The following ADARB1 variants were observed in gnomAD, a reference collection of about 807,000 sequenced individuals.
The protein encoded by ADARB1 is double-stranded RNA-specific editase 1.
A neutral mutation model predicts 52.4 loss-of-function variants in ADARB1; 10 were observed. The observed-to-expected ratio is 0.19, with a 90% confidence interval of 0.12 to 0.32. The LOEUF (loss-of-function observed/expected upper bound fraction) is 0.32, where lower values mean the gene tolerates loss of function less well. Ranked by LOEUF, ADARB1 falls within the 10% of genes least tolerant of loss-of-function variation. The pLI is 1.00. For missense variants in ADARB1, 643 were observed against 922.3 expected (o/e 0.70, Z 3.92); for synonymous variants, 349 against 371.1 (o/e 0.94, Z 0.68).
chr21:45,098,761 CAT>C (rs1252901760), intron 1 of ADARB1, among the ~76,000 whole-genome samples: 1 of 152,236 alleles, frequency 6.6e-6, no homozygotes, highest in African/African-American at 2.4e-5. Flanking sequence ...TATTTGCACA[CAT>C]ATGCTCTTAG....
intron 1 of ADARB1, among the ~76,000 whole-genome samples, chr21:45,077,447 C>T (rs112798646): frequency 0.027 from 4,064 of 152,134 alleles, 197 homozygotes; most frequent in African/African-American, 0.093. Context: ...GGGTAGATCA[C>T]GAGGTCAGGA....
In ADARB1 at chr21:45,208,570, TGA is replaced by T. The variant is rs1458162746; in HGVS notation, c.1747+3841_1747+3842del. On this transcript the variant is annotated intron_variant, in intron 9 of 10. Transcript: ENST00000348831. This position sits in a 1 kb window ranked among gnomAD's most constrained non-coding sequence, Gnocchi z 5.6. Reference sequence around the variant, plus strand: ...TGGTTTAATGAGGCCCTGGCTGGAGTGAGAGAGAAGGAACATCACTGTGAGAG... The same window carrying T: ...TGGTTTAATGAGGCCCTGGCTGGAGTGAGAGAAGGAACATCACTGTGAGAG... Among the ~76,000 whole-genome samples the T allele has an allele frequency of 6.6e-6, 1 of 150,804 alleles. No individual in the cohort carries two copies. The highest frequency in any genetic ancestry group is 6.6e-5 in the Admixed American group (1 of 15,158).
intron 1 of ADARB1, among the ~76,000 whole-genome samples, chr21:45,103,240 C>T (rs1399694216): frequency 6.6e-6 from 1 of 152,030 alleles, no homozygotes; most frequent in Admixed American, 6.6e-5. Context: ...TAATACTGGT[C>T]CGTTAAACCA....
At chr21:45,211,058 C>T (rs944952041) in intron 9 of ADARB1, among the ~76,000 whole-genome samples, 10 of 152,224 alleles carry the variant, frequency 6.6e-5, no homozygotes, top group Admixed American at 6.5e-4. Context: ...CCCTCAGCAC[C>T]TGGCTGGGGT....
In ADARB1 at chr21:45,220,581, G is replaced by A. The variant is rs567152515; in HGVS notation, c.1748-255G>A. On this transcript the variant is annotated intron_variant, in intron 9 of 10. Transcript: ENST00000348831. The surrounding 1 kb of genome is among the most constrained non-coding windows in gnomAD (Gnocchi z 6.3). ...GTTTCTGTCAATCTTCTGCCCACCT[G>A]CCCTGTCAGACAAGTGCATACCCGT... 6.6e-6 allele frequency among the ~76,000 whole-genome samples: 1 copy of A among 152,196 alleles called. No homozygotes were observed. The highest frequency in any genetic ancestry group is 1.5e-5 in the Non-Finnish European group (1 of 68,040).
At chr21:45,212,339 G>A (rs562604968) in intron 9 of ADARB1, among the ~76,000 whole-genome samples, 7 of 152,238 alleles carry the variant, frequency 4.6e-5, no homozygotes, top group African/African-American at 9.6e-5. Flanking sequence ...TGGGGCTGCC[G>A]CCTCTACAGA....
At chr21:45,151,597 G>A (rs1389506288) in intron 2 of ADARB1, among the ~76,000 whole-genome samples, 1 of 152,154 alleles carries the variant, frequency 6.6e-6, no homozygotes, top group African/African-American at 2.4e-5. Context: ...TTTGGATGCA[G>A]CTGCCTTTTG....
intron 2 of ADARB1, among the ~76,000 whole-genome samples, chr21:45,170,363 T>C (rs1263995651): frequency 6.6e-6 from 1 of 152,260 alleles, no homozygotes; most frequent in Non-Finnish European, 1.5e-5. Context: ...TAGGTTCTTG[T>C]ATCTAGCACA....
rs1346438690 is a variant in ADARB1 at position 45,204,839 on chromosome 21, C to A, written c.1747+103C>A. On this transcript the variant is annotated intron_variant, in intron 9 of 10. Coordinates refer to ENST00000348831, the MANE Select transcript of ADARB1 (RefSeq NM_001112.4). This position sits in a 1 kb window ranked among gnomAD's most constrained non-coding sequence, Gnocchi z 4.4. ...ACCACCTGAGCTGCTCTGTGGCTATCAAAAGAACATCAGAGTCCTTCTAAA... is the reference window on the plus strand; with the variant it reads ...ACCACCTGAGCTGCTCTGTGGCTATAAAAAGAACATCAGAGTCCTTCTAAA... The A allele has an allele frequency of 7.9e-7, 1 of 1,259,906 alleles. No homozygotes were observed. The highest frequency in any genetic ancestry group is 1.1e-6 in the Non-Finnish European group (1 of 918,180). The allele number at this position is 1,259,906 out of a possible 1,614,324, so 78.0% of individuals were successfully genotyped here.
At chr21:45,140,614 A>C (rs1175333907) in intron 2 of ADARB1, among the ~76,000 whole-genome samples, 1 of 151,882 alleles carries the variant, frequency 6.6e-6, no homozygotes, top group Non-Finnish European at 1.5e-5. Flanking sequence ...TTGTCTTTAC[A>C]CCATCTGTGT....
chr21:45,214,046 C>T (rs553836273), intron 9 of ADARB1, among the ~76,000 whole-genome samples: 3 of 152,170 alleles, frequency 2.0e-5, no homozygotes, highest in Non-Finnish European at 4.4e-5. Context: ...ACTTATATGC[C>T]GGCACGCAGT....
intron 2 of ADARB1, among the ~76,000 whole-genome samples, chr21:45,134,095 T>G (rs1339360014): frequency 3.2e-4 from 15 of 46,880 alleles, no homozygotes; most frequent in African/African-American, 6.2e-4. Context: ...TGCCCGACAG[T>G]GGTGTGTGCC....
intron 9 of ADARB1, among the ~76,000 whole-genome samples, chr21:45,210,809 GA>G (rs1196874511): frequency 6.6e-6 from 1 of 152,258 alleles, no homozygotes. Context: ...GCTCCCCCAG[GA>G]GCTGCTTCAG....
intron 2 of ADARB1, chr21:45,146,078 ACGGC>A (rs2089991554): frequency 7.2e-6 from 1 of 139,336 alleles, no homozygotes; most frequent in Non-Finnish European, 1.6e-5. Flanking sequence ...GGGATTACCT[ACGGC>A]CAGATGGCTG....
intron 2 of ADARB1, chr21:45,132,417 TG>T (rs1383956801): frequency 6.6e-6 from 1 of 152,232 alleles, no homozygotes; most frequent in Non-Finnish European, 1.5e-5. Flanking sequence ...TCTTCTACCC[TG>T]GAACTAGGAA....
intron 8 of ADARB1, among the ~76,000 whole-genome samples, chr21:45,203,802 A>G (rs2092611501): frequency 6.6e-6 from 1 of 152,184 alleles, no homozygotes. Context: ...TTTTTTAAGA[A>G]GTATAGTGGT....
intron 1 of ADARB1, among the ~76,000 whole-genome samples, chr21:45,087,178 A>G (rs1453001857): frequency 2.0e-5 from 3 of 152,342 alleles, no homozygotes; most frequent in African/African-American, 7.2e-5. Context: ...CCACAGAAAC[A>G]CTTACCCTTT....
intron 2 of ADARB1, among the ~76,000 whole-genome samples, chr21:45,136,661 T>C (rs2089396840): frequency 1.3e-5 from 2 of 152,212 alleles, no homozygotes; most frequent in Non-Finnish European, 2.9e-5. Flanking sequence ...ACAGTAGAGC[T>C]GCCCCACCAG....
chr21:45,133,949 C>T (rs1257853881), intron 2 of ADARB1, among the ~76,000 whole-genome samples: 2 of 108,974 alleles, frequency 1.8e-5, no homozygotes, highest in Admixed American at 1.9e-4. Flanking sequence ...GGTGTGTGCC[C>T]GACAGTGGTG....
Sources: allele counts gnomAD v4.1 joint callset (sites outside exome capture counted in the v4.1 genomes callset), GRCh38; gene constraint gnomAD v4.1.1; non-coding constraint Gnocchi (gnomAD v3.1); transcripts MANE v1.5; gene names NCBI Gene and HGNC (gene_info 2026-07-23, HGNC 2026-07-21).